Variants in C17orf113 observed in about 807,000 individuals in gnomAD.
C17orf113 encodes the protein uncharacterized protein C17orf113.
A neutral mutation model predicts 11.6 loss-of-function variants in C17orf113; 5 were observed. That is an observed-to-expected ratio of 0.43 (90% CI 0.23 to 0.91). The LOEUF is 0.91. Ranked by LOEUF, C17orf113 falls within the 40% of genes least tolerant of loss-of-function variation. The pLI, the probability that C17orf113 is intolerant of heterozygous loss-of-function variation, is 0.26. For missense variants in C17orf113, 714 were observed against 841.3 expected (o/e 0.85, Z 1.87); for synonymous variants, 327 against 390.6 (o/e 0.84, Z 1.92).
chr17:42,047,363 C>T (rs1370864060), intron 1 of C17orf113, among the ~76,000 whole-genome samples: 5 of 151,868 alleles, frequency 3.3e-5, no homozygotes, highest in African/African-American at 1.2e-4. Flanking sequence ...TTAGTAGAGA[C>T]GGGGTTTCAC....
intron 1 of C17orf113, among the ~76,000 whole-genome samples, chr17:42,046,459 G>T (rs1271789472): frequency 1.3e-5 from 2 of 151,904 alleles, no homozygotes; most frequent in Non-Finnish European, 2.9e-5. Context: ...AATTAGCTGG[G>T]CATGGTGGTG....
chr17:42,048,308 G>C (rs1190327762), intron 1 of C17orf113, among the ~76,000 whole-genome samples: 2 of 151,656 alleles, frequency 1.3e-5, no homozygotes, highest in Non-Finnish European at 2.9e-5. Context: ...GGAGGCTGAG[G>C]TGGGAGGACT....
chr17:42,039,986 G>T lies in C17orf113; in HGVS notation c.1747C>A (p.Leu583Met). ...RLGPRALCTQ[L>M]ACAHSELHEL... Reference sequence around the variant, plus strand: ...TGCAGCTCCGAGTGCGCGCACGCCAGCTGGGTGCACAGGGCCCGCGGGCCG... The same window carrying T: ...TGCAGCTCCGAGTGCGCGCACGCCATCTGGGTGCACAGGGCCCGCGGGCCG... Residue 583 changes from leucine (L) to methionine (M), a missense_variant, in exon 3 of 3, where the codon CTG becomes ATG. Physicochemically the swap from Leu to Met is conservative, Grantham distance 15. This residue lies in a region of C17orf113 where 194 missense variants were observed against 197.2 expected (regional missense o/e 0.98). Coordinates refer to ENST00000587304, the MANE Select transcript of C17orf113 (RefSeq NM_001358661.2). The T allele has an allele frequency of 8.1e-7, 1 of 1,231,072 alleles. No homozygotes were observed. Among genetic ancestry groups the T allele is most frequent in the East Asian group, 3.2e-5 (1 of 31,672 alleles). The allele number at this position is 1,231,072 out of a possible 1,614,324, so 76.3% of individuals were successfully genotyped here.
intron 2 of C17orf113, among the ~76,000 whole-genome samples, chr17:42,041,946 C>G (rs2143660602): frequency 6.6e-6 from 1 of 152,310 alleles, no homozygotes; most frequent in Admixed American, 6.5e-5. Flanking sequence ...GCATGGGGAC[C>G]TTGCTTTTCA....
In C17orf113 at chr17:42,042,825, G is replaced by C; in HGVS notation, c.543+9C>G. Reference sequence around the variant, plus strand: ...AAGCCCTTCCCCCATACTTCTGGCTGTCACCCACCTGCATGTCCCTCACCC... The same window carrying C: ...AAGCCCTTCCCCCATACTTCTGGCTCTCACCCACCTGCATGTCCCTCACCC... On this transcript the variant is annotated intron_variant, in intron 2 of 2. Coordinates refer to ENST00000587304, the MANE Select transcript of C17orf113 (RefSeq NM_001358661.2). 8.1e-7 allele frequency: 1 copy of C among 1,232,190 alleles called. No homozygotes were observed. Among genetic ancestry groups the C allele is most frequent in the Non-Finnish European group, 1.0e-6 (1 of 988,054 alleles). The allele number at this position is 1,232,190 out of a possible 1,614,324, so 76.3% of individuals were successfully genotyped here.
chr17:42,041,167 T>G lies in C17orf113; in HGVS notation c.566A>C (p.His189Pro). ...CTTCAGGCGCTGGCAGGCCTCTGTG[T>G]GCAAGACACTGGCAATGGCCACCTG... Reference protein sequence around the residue: ...DMQVAIASVLHTEACQRLKAS... With the variant: ...DMQVAIASVLPTEACQRLKAS... The change falls in exon 3 of 3, where the codon CAC becomes CCC. Residue 189 changes from histidine to proline, a missense_variant. Physicochemically the swap from His to Pro is moderately conservative, Grantham distance 77. Transcript: ENST00000587304. 8.1e-7 allele frequency: 1 copy of G among 1,232,404 alleles called. No homozygotes were observed. Among genetic ancestry groups the G allele is most frequent in the Non-Finnish European group, 1.0e-6 (1 of 988,188 alleles). 76.3% of individuals were successfully genotyped at this position (1,232,404 alleles called of 1,614,324 possible). A position where few individuals can be genotyped will look rare whatever the true frequency, so the allele number is the denominator to read the frequency against.
chr17:42,039,776 C>G lies in C17orf113; in HGVS notation c.1957G>C (p.Asp653His). 5.7e-6 allele frequency: 7 copies of G among 1,232,370 alleles called. No homozygotes were observed. Among genetic ancestry groups the G allele is most frequent in the Non-Finnish European group, 7.1e-6 (7 of 988,118 alleles). The allele number at this position is 1,232,370 out of a possible 1,614,324, so 76.3% of individuals were successfully genotyped here. Residue 653 changes from aspartate (D) to histidine (H), a missense_variant, in exon 3 of 3, where the codon GAC (aspartate) becomes CAC (histidine). Transcript: ENST00000587304. Reference sequence around the variant, plus strand: ...AAGAACTCCACAGCCAACCCGAAGTCAAACTCGTGCAGCGGGGGCCCATCC... The same window carrying G: ...AAGAACTCCACAGCCAACCCGAAGTGAAACTCGTGCAGCGGGGGCCCATCC... ...AVDGPPLHEFDFGLAVEFLES... is the reference protein window; with the variant it reads ...AVDGPPLHEFHFGLAVEFLES...
Position 42,041,050 on chromosome 17 carries a change from C to T in C17orf113, c.683G>A (p.Cys228Tyr), listed in dbSNP as rs2053006982. The T allele has an allele frequency of 1.1e-5, 13 of 1,232,350 alleles. No individual in the cohort carries two copies. Among genetic ancestry groups the T allele is most frequent in the Middle Eastern group, 3.1e-4 (1 of 3,214 alleles). The allele number at this position is 1,232,350 out of a possible 1,614,324, so 76.3% of individuals were successfully genotyped here. Reference protein sequence around the residue: ...LALFATSVSPCDGQPATTFLG... With the variant: ...LALFATSVSPYDGQPATTFLG... ...GAAGGTGGTGGCGGGCTGGCCATCA[C>T]AGGGGGACACTGAAGTGGCAAACAG... Residue 228 changes from cysteine to tyrosine, a missense_variant, in exon 3 of 3, where the codon TGT (cysteine) becomes TAT (tyrosine). By Grantham distance (194) the Cys-to-Tyr change is radical (BLOSUM62 -2). Around this residue, in one of 3 missense-constraint regions of C17orf113, gnomAD observed 516 missense variants for 626.6 expected, o/e 0.82. Coordinates refer to ENST00000587304, the MANE Select transcript of C17orf113 (RefSeq NM_001358661.2).
chr17:42,047,462 C>T (rs1297354406), intron 1 of C17orf113, among the ~76,000 whole-genome samples: 15 of 151,070 alleles, frequency 9.9e-5, no homozygotes, highest in Non-Finnish European at 2.2e-4. Flanking sequence ...GGCGCCTGGC[C>T]CAATTAGACG....
In C17orf113 at chr17:42,040,449, C is replaced by T. The variant is rs565216637; in HGVS notation, c.1284G>A (p.Leu428=). The T allele has an allele frequency of 8.1e-7, 1 of 1,232,140 alleles. No homozygotes were observed. 76.3% of individuals were successfully genotyped at this position (1,232,140 alleles called of 1,614,324 possible). ...LQAEEPDLAL[L]QPLVMAAAAS... ...CCGCAGCCGCCATCACCAGAGGCTG[C>T]AGCAAGGCCAAGTCCGGCTCTTCTG... Residue 428 remains leucine (L), a synonymous_variant, in exon 3 of 3, where the codon CTG becomes CTA. Coordinates refer to ENST00000587304, the MANE Select transcript of C17orf113 (RefSeq NM_001358661.2).
In C17orf113 at chr17:42,039,398, C is replaced by T. The variant is rs558955058; in HGVS notation, c.*307G>A. ...TCTTTGGGGGGACCCAAACTTGCCC[C>T]GAGTCCAGAAGGGAAAAGGGTGAGC... is the stretch of plus-strand genomic sequence containing the variant. On this transcript the variant is annotated 3_prime_UTR_variant, in exon 3 of 3. Transcript: ENST00000587304. 97 of 296,120 alleles carry T rather than the reference C, an allele frequency of 3.3e-4. No homozygotes were observed. Among genetic ancestry groups the T allele is most frequent in the South Asian group, 2.9e-3 (18 of 6,122 alleles). 18.3% of individuals were successfully genotyped at this position (296,120 alleles called of 1,614,324 possible).
At chr17:42,044,573 G>A (rs1346923520) in intron 1 of C17orf113, among the ~76,000 whole-genome samples, 11 of 151,180 alleles carry the variant, frequency 7.3e-5, no homozygotes, top group Non-Finnish European at 1.2e-4. Context: ...CCGAGATCAC[G>A]CTATTGCACT....
At chr17:42,044,220 AT>A (rs2053096597) in intron 1 of C17orf113, among the ~76,000 whole-genome samples, 1 of 142,012 alleles carries the variant, frequency 7.0e-6, no homozygotes, top group Non-Finnish European at 1.5e-5. Context: ...TTGAGGCAGG[AT>A]TGCTTGAGCC....
At chr17:42,045,241 C>T (rs560386219) in intron 1 of C17orf113, among the ~76,000 whole-genome samples, 7 of 151,524 alleles carry the variant, frequency 4.6e-5, no homozygotes, top group African/African-American at 1.2e-4. Flanking sequence ...TTAGTAGAGA[C>T]GGGGTTTCAC....
At position 42,039,432 on chromosome 17, in the gene C17orf113, A is replaced by T; in HGVS notation, c.*273T>A. 2 of 343,332 alleles carry T rather than the reference A, an allele frequency of 5.8e-6. No individual in the cohort carries two copies. 21.3% of individuals were successfully genotyped at this position (343,332 alleles called of 1,614,324 possible). A position where few individuals can be genotyped will look rare whatever the true frequency, so the allele number is the denominator to read the frequency against. On this transcript the variant is annotated 3_prime_UTR_variant, in exon 3 of 3. Transcript: ENST00000587304. Reference sequence around the variant, plus strand: ...AAGGGAAAAGGGTGAGCTACTCCTCATCTAACTGTGTAAAGGCCAGGAATG... The same window carrying T: ...AAGGGAAAAGGGTGAGCTACTCCTCTTCTAACTGTGTAAAGGCCAGGAATG...
At chr17:42,044,616 CAAA>C (rs1200170680) in intron 1 of C17orf113, among the ~76,000 whole-genome samples, 4 of 118,368 alleles carry the variant, frequency 3.4e-5, no homozygotes. Context: ...AACTCTGTCT[CAAA>C]AAAAAAAAAA....
chr17:42,047,598 G>A (rs2053193337), intron 1 of C17orf113, among the ~76,000 whole-genome samples: 1 of 152,132 alleles, frequency 6.6e-6, no homozygotes, highest in Non-Finnish European at 1.5e-5. Flanking sequence ...AGGGCCGGCT[G>A]GTTTGGTGCA....
rs992858951 is a variant in C17orf113, at chr17:42,039,903, G to A, written c.1830C>T (p.Gly610=). 1.9e-5 allele frequency: 23 copies of A among 1,231,354 alleles called. No homozygotes were observed. In the African/African-American group the frequency reaches 3.3e-4, roughly 17 times the overall value. The allele number at this position is 1,231,354 out of a possible 1,614,324, so 76.3% of individuals were successfully genotyped here. Residue 610 remains glycine (G), a synonymous_variant, in exon 3 of 3, where the codon GGC becomes GGT. Transcript: ENST00000587304. ...LAALALALPA[G]AGLLDKVGRS... is the part of the protein sequence containing the mutation. Reference sequence around the variant, plus strand: ...GGCCGACCTTGTCCAGCAGGCCAGCGCCCGCGGGCAGCGCCAAAGCCAAGG... The same window carrying A: ...GGCCGACCTTGTCCAGCAGGCCAGCACCCGCGGGCAGCGCCAAAGCCAAGG...
chr17:42,044,140 TAA>T (rs35206698), intron 1 of C17orf113, among the ~76,000 whole-genome samples: 17 of 83,590 alleles, frequency 2.0e-4, no homozygotes, highest in African/African-American at 4.8e-4. Context: ...ACCCCATCTC[TAA>T]AAAAAAAAAA....
Sources: gnomAD v4.1 joint callset for allele counts (sites outside exome capture counted in the v4.1 genomes callset) on GRCh38, gnomAD v4.1.1 for gene constraint, gnomAD v4.1.1 regional missense constraint, MANE v1.5 for transcripts, NCBI Gene and HGNC (gene_info 2026-07-23, HGNC 2026-07-21) for gene names.